FRY: variants seen among roughly 807,000 people sequenced by gnomAD.
FRY encodes the protein protein furry homolog.
Under a neutral mutation model 348.4 loss-of-function variants are expected in FRY, and 128 were observed. That is an observed-to-expected ratio of 0.37 (90% CI 0.32 to 0.43). FRY has a LOEUF of 0.43. Among genes scored for constraint, FRY ranks in the 20% least tolerant of loss-of-function variants. The pLI, the probability that FRY is intolerant of heterozygous loss-of-function variation, is 1.00. For missense variants in FRY, 2,736 were observed against 3,695.2 expected, an observed-to-expected ratio of 0.74 and a Z score of 6.73; for synonymous variants, 1,370 against 1,374.7, an observed-to-expected ratio of 1.00 and a Z score of 0.08.
At chr13:32,268,503 AAAATATATATATATATATAT>A (rs1429321352) in intron 55 of FRY, among the ~76,000 whole-genome samples, 1 of 14,790 alleles carries the variant, frequency 6.8e-5, no homozygotes, top group Non-Finnish European at 1.4e-4. Context: ...AAAAAAAAAA[AAAATATATATATATATATAT>A]ATATATATAT....
chr13:32,276,653 A>G (rs1888550683), intron 57 of FRY, 91 bp downstream of exon 57: 1 of 777,450 alleles, frequency 1.3e-6, no homozygotes, highest in Non-Finnish European at 2.4e-6. Flanking sequence ...TGATTAACTT[A>G]AGACTTTCAG....
intron 55 of FRY, among the ~76,000 whole-genome samples, chr13:32,273,701 G>A (rs570795470): frequency 6.6e-6 from 1 of 152,226 alleles, no homozygotes; most frequent in Non-Finnish European, 1.5e-5. Context: ...CACAGTTTCC[G>A]TGCTGTCTCA....
chr13:32,092,854 C>A (rs1025295179), intron 2 of FRY, among the ~76,000 whole-genome samples: 20 of 152,034 alleles, frequency 1.3e-4, no homozygotes, highest in South Asian at 4.2e-4. Flanking sequence ...AGGAAAAGAT[C>A]AAAAAAATTG....
chr13:32,195,090 A>C (rs1883595285), intron 29 of FRY, among the ~76,000 whole-genome samples: 1 of 152,232 alleles, frequency 6.6e-6, no homozygotes. Context: ...CTAAGTTAGT[A>C]AAAGCGGTAT....
At chr13:32,081,413 T>A (rs900731234) in intron 2 of FRY, among the ~76,000 whole-genome samples, 5 of 152,186 alleles carry the variant, frequency 3.3e-5, no homozygotes, top group African/African-American at 7.2e-5. Flanking sequence ...CAACCTCGGC[T>A]TCCCGGGTTC....
In FRY at chr13:32,117,428, A is replaced by C; in HGVS notation, c.419A>C (p.Asp140Ala). ...TATAAAAGGCAAAATGGCATTGAGG[A>C]TGAATCACATGAATACAGACCAAGA... The part of the protein sequence containing the change: ...DWYKRQNGIE[D>A]ESHEYRPRTS... Residue 140 changes from aspartate to alanine, a missense_variant, in exon 4 of 61, where the codon GAT becomes GCT. Around this residue, in one of 9 missense-constraint regions of FRY, gnomAD observed 309 missense variants for 418.1 expected, o/e 0.74. Transcript: ENST00000542859. 1 of 1,613,840 alleles carries C rather than the reference A, an allele frequency of 6.2e-7. No homozygotes were observed. The highest frequency in any genetic ancestry group is 8.5e-7 in the Non-Finnish European group (1 of 1,179,746).
chr13:32,272,686 G>A (rs183865717), intron 55 of FRY, among the ~76,000 whole-genome samples: 2 of 152,214 alleles, frequency 1.3e-5, no homozygotes, highest in Non-Finnish European at 2.9e-5. Context: ...AAAACATTGT[G>A]CACTAGAAGT....
At chr13:32,218,589 G>C (rs1367213410) in intron 35 of FRY, among the ~76,000 whole-genome samples, 160 bp from the exon 36 acceptor site, 1 of 148,428 alleles carries the variant, frequency 6.7e-6, no homozygotes, top group Non-Finnish European at 1.5e-5. Context: ...CAAGGCAGGA[G>C]AATTGCTTGA....
At chr13:32,131,871 T>G (rs1210842263) in intron 8 of FRY, 31 bp downstream of exon 8, 1 of 1,574,040 alleles carries the variant, frequency 6.4e-7, no homozygotes, top group East Asian at 2.2e-5. Context: ...GCTAAGGTGC[T>G]CTCAACTTGA....
rs746694603 is a variant in FRY, at chr13:32,171,030, T to C, written c.1911T>C (p.Asp637=). The part of the protein sequence containing the change: ...DLLARLSIHM[D]DELRHIAQNS... ...TTCACAGGCTCTCTATTCATATGGA[T>C]GATGAATTGCGACATATTGCACAAA... Residue 637 remains aspartate (D), a synonymous_variant, in exon 18 of 61, where the codon GAT becomes GAC. Coordinates refer to ENST00000542859, the MANE Select transcript of FRY (RefSeq NM_023037.3). 23 of 1,607,792 alleles carry C rather than the reference T, an allele frequency of 1.4e-5. No homozygotes were observed. The Admixed American group carries it at 1.8e-4, about 13-fold the overall frequency.
chr13:32,137,786 G>C (rs1444158338), intron 11 of FRY, among the ~76,000 whole-genome samples: 1 of 152,192 alleles, frequency 6.6e-6, no homozygotes, highest in East Asian at 1.9e-4. Context: ...TGAATTTTAA[G>C]AATATAGTTA....
rs183848742 is a variant in FRY, at chr13:32,090,799, G to A, written c.271-11164G>A. On this transcript the variant is annotated intron_variant, in intron 2 of 60. Transcript: ENST00000542859. ...ATTAACTTTGTAGCTGAATTTAAGTGAAGTTTCTCTTCCACTGTTCAAATA... is the reference window on the plus strand; with the variant it reads ...ATTAACTTTGTAGCTGAATTTAAGTAAAGTTTCTCTTCCACTGTTCAAATA... Among the ~76,000 whole-genome samples the A allele has an allele frequency of 2.2e-4, 33 of 151,998 alleles. No homozygotes were observed. In the East Asian group the frequency reaches 3.3e-3, roughly 15 times the overall value.
At chr13:32,280,379 T>C (rs1888750665) in intron 58 of FRY, among the ~76,000 whole-genome samples, 1 of 152,226 alleles carries the variant, frequency 6.6e-6, no homozygotes, top group Non-Finnish European at 1.5e-5. Context: ...CTGTCTCAGA[T>C]GATTTGTGAC....
chr13:32,149,888 C>T, intron 14 of FRY, 54 bp downstream of exon 14: 8 of 1,121,300 alleles, frequency 7.1e-6, no homozygotes, highest in Non-Finnish European at 1.1e-5. Flanking sequence ...CGGAGCCATA[C>T]CTTTGCTTTG....
At chr13:32,293,273 A>G (rs1425229610) in intron 59 of FRY, among the ~76,000 whole-genome samples, 1 of 152,178 alleles carries the variant, frequency 6.6e-6, no homozygotes, top group Non-Finnish European at 1.5e-5. Flanking sequence ...ATAAGGAGAA[A>G]TTTGCTTTCA....
In FRY at chr13:32,297,483, G is replaced by A. The variant is rs866425017; in HGVS notation, c.*2023G>A. 3 of 151,064 alleles carry A rather than the reference G, an allele frequency of 2.0e-5. No individual in the cohort carries two copies. Among genetic ancestry groups the A allele is most frequent in the African/African-American group, 7.3e-5 (3 of 41,012 alleles). 9.4% of individuals were successfully genotyped at this position (151,064 alleles called of 1,614,324 possible). On this transcript the variant is annotated 3_prime_UTR_variant, in exon 61 of 61. Transcript: ENST00000542859. Reference sequence around the variant, plus strand: ...TTACCCAGCAGAGAACCACCGTGATGGTTTACTCTTAAAAAGGGAAGGAAA... The same window carrying A: ...TTACCCAGCAGAGAACCACCGTGATAGTTTACTCTTAAAAAGGGAAGGAAA...
chr13:32,179,937 G>A (rs747832357), intron 23 of FRY, 138 bp downstream of exon 23: 48 of 825,664 alleles, frequency 5.8e-5, no homozygotes, highest in South Asian at 3.2e-4. Flanking sequence ...CCACTACATC[G>A]TCTTGGTTGA....
At chr13:32,213,708 C>T (rs1884815752) in intron 35 of FRY, among the ~76,000 whole-genome samples, 2 of 152,114 alleles carry the variant, frequency 1.3e-5, no homozygotes, top group South Asian at 4.1e-4. Context: ...ATTGTTTTGT[C>T]TGAGTTTCCT....
chr13:32,240,624 T>A (rs749537989), intron 46 of FRY, among the ~76,000 whole-genome samples: 1 of 152,188 alleles, frequency 6.6e-6, no homozygotes. Context: ...AGAGATGAAA[T>A]GTATTCCGTT....
Sources: allele counts gnomAD v4.1 joint callset (sites outside exome capture counted in the v4.1 genomes callset), GRCh38; gene constraint gnomAD v4.1.1; regional missense constraint gnomAD v4.1.1; transcripts MANE v1.5; gene names NCBI Gene and HGNC (gene_info 2026-07-23, HGNC 2026-07-21).